COL10A1: variants seen among roughly 807,000 people sequenced by gnomAD.
COL10A1 encodes collagen type X alpha 1 chain.
Under a neutral mutation model 18.2 loss-of-function variants are expected in COL10A1, and 10 were observed. The ratio of observed to expected loss-of-function variants is 0.55; its 90% CI spans 0.34 to 0.93. COL10A1 has a LOEUF of 0.93. Among genes scored for constraint, COL10A1 ranks in the 40% least tolerant of loss-of-function variants. The pLI, the probability that COL10A1 is intolerant of heterozygous loss-of-function variation, is 0.02. For missense variants in COL10A1, 897 were observed against 853.5 expected (o/e 1.05, Z -0.64); for synonymous variants, 330 against 316.6 (o/e 1.04, Z -0.45).
intron 1 of COL10A1, among the ~76,000 whole-genome samples, chr6:116,156,947 TC>T (rs780819255): frequency 1.3e-5 from 2 of 152,086 alleles, no homozygotes; most frequent in Non-Finnish European, 2.9e-5. Flanking sequence ...AGCCACTCAC[TC>T]CCTGGCAAGA....
chr6:116,163,520 TTAATC>T (rs1258874887), upstream of COL10A1, among the ~76,000 whole-genome samples: 1 of 152,142 alleles, frequency 6.6e-6, no homozygotes, highest in African/African-American at 2.4e-5. Flanking sequence ...TTTTTCTTGT[TTAATC>T]TAGTTAGTAG....
rs116255778 is a variant in COL10A1 at position 116,146,211 on chromosome 6, G to A, written c.-16+12403C>T. Among the ~76,000 whole-genome samples the A allele has an allele frequency of 5.8e-3, 889 of 152,326 alleles. 4 individuals are homozygous for A. The highest frequency in any genetic ancestry group is 0.02 in the African/African-American group (851 of 41,568). On this transcript the variant is annotated intron_variant, in intron 1 of 1. Transcript: ENST00000418500. ...CCTGGGGATATGATAAAGGAATATA[G>A]ATAACCTGAGATTTAAGTCCATTGT...
At position 116,123,709 on chromosome 6, in the gene COL10A1, A is replaced by T. The variant is rs1779206343; in HGVS notation, c.154+1630T>A. Among the ~76,000 whole-genome samples the T allele has an allele frequency of 2.6e-5, 4 of 152,170 alleles. No individual in the cohort carries two copies. In the South Asian group the frequency reaches 6.2e-4, roughly 24 times the overall value. On this transcript the variant is annotated intron_variant, in intron 2 of 2. Transcript: ENST00000651968. ...GCATTAATGTCTGCCAATGGATGAT[A>T]GTGTAGTTGAGTGTCTATCTAAAAA...
intron 1 of COL10A1, among the ~76,000 whole-genome samples, chr6:116,151,101 T>A (rs1372578767): frequency 6.6e-6 from 1 of 152,184 alleles, no homozygotes. Context: ...GGGATTAGAA[T>A]TTGCAGCTCC....
chr6:116,175,199 G>T, the COL10A1 span, among the ~76,000 whole-genome samples: 1 of 152,016 alleles, frequency 6.6e-6, no homozygotes, highest in Non-Finnish European at 1.5e-5. Context: ...AGGATACAGA[G>T]CATTTCCAGG....
At chr6:116,199,207 T>TAGACAAAC in the COL10A1 span, among the ~76,000 whole-genome samples, 1 of 152,118 alleles carries the variant, frequency 6.6e-6, no homozygotes, top group Non-Finnish European at 1.5e-5. Flanking sequence ...TTCTTCTAGA[T>TAGACAAAC]AGACAAGAGA....
chr6:116,195,135 TGTTA>T, the COL10A1 span, among the ~76,000 whole-genome samples: 64 of 152,174 alleles, frequency 4.2e-4, no homozygotes, highest in African/African-American at 1.4e-3. Flanking sequence ...ATCATCTCAT[TGTTA>T]GTTCTCTTGT....
At chr6:116,198,442 A>G in the COL10A1 span, among the ~76,000 whole-genome samples, 1 of 152,010 alleles carries the variant, frequency 6.6e-6, no homozygotes, top group Admixed American at 6.6e-5. Context: ...CATAAGAACT[A>G]CAGGTGGCTG....
chr6:116,150,136 G>A (rs1780001285), intron 1 of COL10A1, among the ~76,000 whole-genome samples: 1 of 152,112 alleles, frequency 6.6e-6, no homozygotes, highest in Admixed American at 6.5e-5. Context: ...GCAATGAGAG[G>A]CCAAGTCTTG....
At chr6:116,150,010 A>G (rs1398133833) in intron 1 of COL10A1, among the ~76,000 whole-genome samples, 1 of 152,114 alleles carries the variant, frequency 6.6e-6, no homozygotes, top group African/African-American at 2.4e-5. Flanking sequence ...TGCCCCCCAA[A>G]GTACTGTTGA....
upstream of COL10A1, among the ~76,000 whole-genome samples, chr6:116,129,614 C>T (rs1779414608): frequency 6.6e-6 from 1 of 152,184 alleles, no homozygotes; most frequent in Admixed American, 6.5e-5. Context: ...AACGCTCTCT[C>T]CAGATACCGG....
At chr6:116,187,756 A>G in the COL10A1 span, among the ~76,000 whole-genome samples, 4 of 152,124 alleles carry the variant, frequency 2.6e-5, no homozygotes, top group Non-Finnish European at 4.4e-5. Flanking sequence ...CAGTAAAGCT[A>G]TCAGAAGAAA....
chr6:116,127,754 C>T, upstream of COL10A1, among the ~76,000 whole-genome samples: 1 of 152,108 alleles, frequency 6.6e-6, no homozygotes, highest in African/African-American at 2.4e-5. Flanking sequence ...CACATGCACA[C>T]ACATACTGCT....
the COL10A1 span, among the ~76,000 whole-genome samples, chr6:116,193,416 G>C: frequency 6.6e-6 from 1 of 152,058 alleles, no homozygotes; most frequent in African/African-American, 2.4e-5. Flanking sequence ...TTTGAAAAAT[G>C]AAAACTTGAT....
chr6:116,214,745 CTG>C, the COL10A1 span, among the ~76,000 whole-genome samples: 1 of 151,944 alleles, frequency 6.6e-6, no homozygotes, highest in Non-Finnish European at 1.5e-5. Context: ...AGGAGAAACA[CTG>C]TGGAAATGGG....
At chr6:116,204,493 G>A in the COL10A1 span, among the ~76,000 whole-genome samples, 2 of 151,886 alleles carry the variant, frequency 1.3e-5, no homozygotes, top group African/African-American at 4.8e-5. Context: ...TGGGGTAAGT[G>A]TACACACATA....
At chr6:116,182,253 G>GTA in the COL10A1 span, among the ~76,000 whole-genome samples, 2 of 149,250 alleles carry the variant, frequency 1.3e-5, no homozygotes, top group East Asian at 4.0e-4. Flanking sequence ...GTGTGTGTGT[G>GTA]TATCACATTT....
At position 116,134,689 on chromosome 6, in the gene COL10A1, G is replaced by T. The variant is rs1362086090; in HGVS notation, c.-15-9182C>A. On this transcript the variant is annotated intron_variant, in intron 1 of 1. Coordinates refer to the COL10A1 transcript ENST00000418500. Reference sequence around the variant, plus strand: ...ATAATAACTTGGAATTCTTGTAGAGGTCCTAGTATTAACAACTTCTTCCCA... The same window carrying T: ...ATAATAACTTGGAATTCTTGTAGAGTTCCTAGTATTAACAACTTCTTCCCA... Among the ~76,000 whole-genome samples the T allele has an allele frequency of 3.3e-5, 5 of 152,242 alleles. No homozygotes were observed. The East Asian group carries it at 9.6e-4, about 29-fold the overall frequency.
intron 1 of COL10A1, among the ~76,000 whole-genome samples, chr6:116,135,724 C>G (rs1396531915): frequency 6.6e-6 from 1 of 150,720 alleles, no homozygotes; most frequent in Admixed American, 6.6e-5. Flanking sequence ...ATACCCATCC[C>G]TGGTCATAGT....
Sources: gnomAD v4.1 joint callset for allele counts (sites outside exome capture counted in the v4.1 genomes callset) on GRCh38, gnomAD v4.1.1 for gene constraint, MANE v1.5 for transcripts, NCBI Gene and HGNC (gene_info 2026-07-23, HGNC 2026-07-21) for gene names.